Variants in RBFOX1 observed in about 807,000 individuals in gnomAD.
RBFOX1 encodes the protein RNA binding protein fox-1 homolog 1.
RBFOX1 carries 8 observed loss-of-function variants against 57.7 expected under a neutral mutation model. The ratio of observed to expected loss-of-function variants is 0.14; its 90% CI spans 0.08 to 0.25. The LOEUF (loss-of-function observed/expected upper bound fraction) is 0.25, where lower values mean the gene tolerates loss of function less well. Ranked by LOEUF, RBFOX1 falls within the 10% of genes least tolerant of loss-of-function variation. The probability of loss-of-function intolerance (pLI) is 1.00; values close to 1 mark genes in which losing one functional copy is unlikely to be tolerated. For missense variants in RBFOX1, 611 were observed against 548.5 expected, an observed-to-expected ratio of 1.11 and a Z score of -1.14; for synonymous variants, 326 against 222.4, an observed-to-expected ratio of 1.47 and a Z score of -4.15.
At chr16:7,647,760 G>A (rs189273465) in intron 11 of RBFOX1, among the ~76,000 whole-genome samples, 24 of 152,164 alleles carry the variant, frequency 1.6e-4, no homozygotes, top group African/African-American at 5.8e-4. Context: ...TTTTGCATTG[G>A]CTTTATTAAA....
At chr16:7,035,392 T>G (rs2044104704) in intron 3 of RBFOX1, among the ~76,000 whole-genome samples, 1 of 152,130 alleles carries the variant, frequency 6.6e-6, no homozygotes, top group African/African-American at 2.4e-5. Context: ...CGTTATACAC[T>G]TAAATTAAAT....
At chr16:6,589,241 T>G (rs2097675614) in intron 2 of RBFOX1, among the ~76,000 whole-genome samples, 2 of 152,246 alleles carry the variant, frequency 1.3e-5, no homozygotes, top group African/African-American at 4.8e-5. Flanking sequence ...TGGGTTCTCC[T>G]TGCCTGCTGC....
At chr16:6,107,198 C>G (rs749089201) in intron 1 of RBFOX1, among the ~76,000 whole-genome samples, 5 of 151,910 alleles carry the variant, frequency 3.3e-5, no homozygotes, top group African/African-American at 9.7e-5. Flanking sequence ...TTCTGGGTCC[C>G]CATCTGTGGC....
chr16:7,020,473 C>A (rs185211805), intron 3 of RBFOX1, among the ~76,000 whole-genome samples: 3 of 152,150 alleles, frequency 2.0e-5, no homozygotes, highest in Admixed American at 6.5e-5. Context: ...CCTGCCTCAA[C>A]CTCCCAAAGT....
intron 1 of RBFOX1, among the ~76,000 whole-genome samples, chr16:6,189,027 T>G (rs990483716): frequency 6.6e-6 from 1 of 152,232 alleles, no homozygotes; most frequent in South Asian, 2.1e-4. Flanking sequence ...TCTAACCCTC[T>G]ATGAACCTGG....
chr16:6,813,363 G>A (rs565911393), intron 3 of RBFOX1, among the ~76,000 whole-genome samples: 3 of 152,218 alleles, frequency 2.0e-5, no homozygotes, highest in South Asian at 2.1e-4. Context: ...AGAAGCTGCT[G>A]CTTGTTGCAA....
chr16:7,206,584 T>C (rs1000530770), intron 4 of RBFOX1, among the ~76,000 whole-genome samples: 3 of 152,076 alleles, frequency 2.0e-5, no homozygotes, highest in African/African-American at 7.2e-5. Context: ...GGGTTAAGGC[T>C]GATTTTATTG....
chr16:6,202,601 C>A lies in RBFOX1; in HGVS notation c.-126-114394C>A, dbSNP rs1468272600. Reference sequence around the variant, plus strand: ...TTCTTTTATGCTGAAAAAAAAATCACTTTATTGAGGTATAATTGGTATTAA... The same window carrying A: ...TTCTTTTATGCTGAAAAAAAAATCAATTTATTGAGGTATAATTGGTATTAA... On this transcript the variant is annotated intron_variant, in intron 1 of 15. Coordinates refer to ENST00000550418, the MANE Select transcript of RBFOX1 (RefSeq NM_018723.4). 2.0e-5 allele frequency among the ~76,000 whole-genome samples: 3 copies of A among 152,168 alleles called. No homozygotes were observed. In the East Asian group the frequency reaches 5.8e-4, roughly 29 times the overall value.
chr16:7,149,963 C>T (rs1211006129), intron 4 of RBFOX1, among the ~76,000 whole-genome samples: 1 of 152,110 alleles, frequency 6.6e-6, no homozygotes, highest in Admixed American at 6.6e-5. Context: ...TTCTCATACT[C>T]AGACTTTTAT....
At chr16:7,627,124 C>CT (rs58159930) in intron 10 of RBFOX1, among the ~76,000 whole-genome samples, 52,186 of 128,136 alleles carry the variant, frequency 0.41, 10,754 homozygotes, top group East Asian at 0.75. Context: ...CCTCCGCCTC[C>CT]TTTTTTTTTT....
chr16:5,256,527 A>C (rs1190519026), intron 1 of RBFOX1, among the ~76,000 whole-genome samples: 1 of 152,210 alleles, frequency 6.6e-6, no homozygotes, highest in African/African-American at 2.4e-5. Context: ...ATGGCAGATG[A>C]GAGCTCTTTG....
chr16:7,283,075 C>CT, intron 4 of RBFOX1, among the ~76,000 whole-genome samples: 1 of 152,196 alleles, frequency 6.6e-6, no homozygotes, highest in Admixed American at 6.5e-5. Flanking sequence ...GTGCAGGTAT[C>CT]TTTTTTGTAT....
intron 4 of RBFOX1, among the ~76,000 whole-genome samples, chr16:7,087,947 G>C (rs1467467373): frequency 6.6e-6 from 1 of 151,940 alleles, no homozygotes; most frequent in Admixed American, 6.6e-5. Context: ...ATTGACTTTG[G>C]GGATAAAGAT....
At chr16:6,534,251 G>A (rs1002660282) in intron 2 of RBFOX1, among the ~76,000 whole-genome samples, 4 of 151,674 alleles carry the variant, frequency 2.6e-5, no homozygotes, top group Non-Finnish European at 5.9e-5. Flanking sequence ...AAGGACATCA[G>A]TGTGTATGTG....
chr16:5,725,243 T>C (rs1156584101), intron 3 of RBFOX1, among the ~76,000 whole-genome samples: 1 of 152,016 alleles, frequency 6.6e-6, no homozygotes, highest in Non-Finnish European at 1.5e-5. Flanking sequence ...TTAAAAATTA[T>C]TTTCTATTTT....
intron 1 of RBFOX1, among the ~76,000 whole-genome samples, chr16:6,166,398 T>C (rs1458318435): frequency 7.1e-6 from 1 of 141,018 alleles, no homozygotes; most frequent in Non-Finnish European, 1.5e-5. Context: ...CTGTATTCCT[T>C]GGGGCGGGGT....
intron 2 of RBFOX1, among the ~76,000 whole-genome samples, chr16:6,364,097 A>T (rs1422538947): frequency 1.3e-5 from 2 of 152,152 alleles, no homozygotes; most frequent in Non-Finnish European, 2.9e-5. Context: ...GGTTTAGCCT[A>T]CCCCTCTTGG....
intron 1 of RBFOX1, among the ~76,000 whole-genome samples, chr16:6,078,342 A>G (rs1777310261): frequency 6.6e-6 from 1 of 152,056 alleles, no homozygotes; most frequent in Non-Finnish European, 1.5e-5. Context: ...GTGGCCCGGG[A>G]CGGCTTTGAA....
At chr16:5,278,368 C>G (rs992242554) in intron 1 of RBFOX1, among the ~76,000 whole-genome samples, 2 of 152,076 alleles carry the variant, frequency 1.3e-5, no homozygotes, top group African/African-American at 4.8e-5. Flanking sequence ...TTAATTAGAT[C>G]CCATTTGTCA....
Sources: gnomAD v4.1 joint callset for allele counts (sites outside exome capture counted in the v4.1 genomes callset) on GRCh38, gnomAD v4.1.1 for gene constraint, MANE v1.5 for transcripts, NCBI Gene and HGNC (gene_info 2026-07-23, HGNC 2026-07-21) for gene names.